The following MTOR variants were observed in gnomAD, a reference collection of about 807,000 sequenced individuals.
MTOR encodes the protein serine/threonine-protein kinase mTOR.
Under a neutral mutation model 319.8 loss-of-function variants are expected in MTOR, and 70 were observed. The ratio of observed to expected loss-of-function variants is 0.22; its 90% CI spans 0.18 to 0.27. The LOEUF (loss-of-function observed/expected upper bound fraction) is 0.27, where lower values mean the gene tolerates loss of function less well. Ranked by LOEUF, MTOR falls within the 10% of genes least tolerant of loss-of-function variation. The pLI, the probability that MTOR is intolerant of heterozygous loss-of-function variation, is 1.00. For synonymous variants in MTOR, 1,183 were observed against 1,211.4 expected (o/e 0.98, Z 0.49); for missense variants, 1,890 against 3,274.4 (o/e 0.58, Z 10.32).
At chr1:11,155,425 T>C (rs1035866471) in intron 30 of MTOR, among the ~76,000 whole-genome samples, 3 of 151,700 alleles carry the variant, frequency 2.0e-5, no homozygotes, top group African/African-American at 7.3e-5. Context: ...AAAAAAAAAA[T>C]TACTCTGACT....
rs1641964175 is a variant in MTOR at position 11,112,840 on chromosome 1, G to C, written c.7366+12C>G. On this transcript the variant is annotated intron_variant, in intron 54 of 57. Coordinates refer to ENST00000361445, the MANE Select transcript of MTOR (RefSeq NM_004958.4). ...GGGGAGAGCCTTTGCGACCTCCCGT[G>C]GATGCACCTACCGACTGACTGGCCA... The C allele has an allele frequency of 6.2e-7, 1 of 1,614,040 alleles. No homozygotes were observed. The highest frequency in any genetic ancestry group is 1.1e-5 in the South Asian group (1 of 91,082).
chr1:11,231,410 A>C lies in MTOR; in HGVS notation c.2539T>G (p.Leu847Val). 6.2e-7 allele frequency: 1 copy of C among 1,614,126 alleles called. No individual in the cohort carries two copies. The highest frequency in any genetic ancestry group is 8.5e-7 in the Non-Finnish European group (1 of 1,179,992). Residue 847 changes from leucine (L) to valine (V), a missense_variant, in exon 17 of 58, where the codon TTG becomes GTG. Physicochemically the swap from Leu to Val is conservative, Grantham distance 32 (BLOSUM62 1). Around this residue, in one of 15 missense-constraint regions of MTOR, gnomAD observed 377 missense variants for 653.9 expected, o/e 0.58. Coordinates refer to ENST00000361445, the MANE Select transcript of MTOR (RefSeq NM_004958.4). ...RQVALWTLGQ[L>V]VASTGYVVEP... ...ACTACATAGCCAGTGCTGGCCACCAACTGTCCCAGGGTCCACAGAGCCACC... is the reference window on the plus strand; with the variant it reads ...ACTACATAGCCAGTGCTGGCCACCACCTGTCCCAGGGTCCACAGAGCCACC...
chr1:11,178,498 C>T (rs1645055343), intron 28 of MTOR, among the ~76,000 whole-genome samples: 2 of 152,240 alleles, frequency 1.3e-5, no homozygotes, highest in Admixed American at 1.3e-4. Flanking sequence ...CCGCTCCCAG[C>T]ATGTCAGCCA....
At chr1:11,184,591 C>T (rs1477014471) in intron 28 of MTOR, among the ~76,000 whole-genome samples, 1 of 151,990 alleles carries the variant, frequency 6.6e-6, no homozygotes, top group African/African-American at 2.4e-5. Context: ...AACAGGCAGG[C>T]GTGTTGGTGT....
At chr1:11,139,467 G>A in intron 35 of MTOR, 32 bp from the exon 36 acceptor site, 1 of 1,614,148 alleles carries the variant, frequency 6.2e-7, no homozygotes, top group Non-Finnish European at 8.5e-7. Context: ...GTTATAGACA[G>A]AACTGGACAG....
At chr1:11,206,070 C>A (rs1404160977) in intron 25 of MTOR, among the ~76,000 whole-genome samples, 1 of 152,198 alleles carries the variant, frequency 6.6e-6, no homozygotes, top group East Asian at 1.9e-4. Flanking sequence ...AATAATACCA[C>A]TGACCATACA....
rs376260427 is a variant in MTOR at position 11,228,963 on chromosome 1, C to T, written c.2780-45G>A. On this transcript the variant is annotated intron_variant, in intron 18 of 57. Transcript: ENST00000361445. Reference sequence around the variant, plus strand: ...AGTGTTAGAGCTACACATGGCATGACGTGACTTCAGGCAGAGCATGGTTAG... The same window carrying T: ...AGTGTTAGAGCTACACATGGCATGATGTGACTTCAGGCAGAGCATGGTTAG... 1.6e-4 allele frequency: 250 copies of T among 1,603,310 alleles called. 2 individuals carry two copies. The highest frequency in any genetic ancestry group is 2.1e-4 in the Non-Finnish European group (241 of 1,172,464).
intron 50 of MTOR, among the ~76,000 whole-genome samples, chr1:11,116,105 G>C (rs1162836666): frequency 6.6e-6 from 1 of 152,190 alleles, no homozygotes; most frequent in East Asian, 1.9e-4. Flanking sequence ...GTAGACATCA[G>C]AGAACCAGTC....
Position 11,124,770 on chromosome 1 carries a change from A to C in MTOR, c.6527-137T>G, listed in dbSNP as rs550753899. On this transcript the variant is annotated intron_variant, in intron 46 of 57. Transcript: ENST00000361445. Reference sequence around the variant, plus strand: ...CACGTTCCTCACAAAAAGAAAAAACAATCTTTAGAATTAATGAAAAGAGTG... The same window carrying C: ...CACGTTCCTCACAAAAAGAAAAAACCATCTTTAGAATTAATGAAAAGAGTG... 74 of 966,576 alleles carry C rather than the reference A, an allele frequency of 7.7e-5. No homozygotes were observed. In the Middle Eastern group the frequency reaches 1.1e-3, roughly 14 times the overall value. The allele number at this position is 966,576 out of a possible 1,614,324, so 59.9% of individuals were successfully genotyped here.
chr1:11,253,794 A>G (rs1205886115), intron 6 of MTOR, 45 bp downstream of exon 6: 1 of 1,611,156 alleles, frequency 6.2e-7, no homozygotes, highest in Non-Finnish European at 8.5e-7. Context: ...CGCTCACAGA[A>G]TGGTACACGG....
chr1:11,189,566 C>T, intron 28 of MTOR: 1 of 1,579,906 alleles, frequency 6.3e-7, no homozygotes, highest in Non-Finnish European at 8.6e-7. Flanking sequence ...CTTCCTCACC[C>T]AAACCCACAA....
intron 28 of MTOR, chr1:11,189,830 TG>T (rs776856964): frequency 6.2e-7 from 1 of 1,614,134 alleles, no homozygotes; most frequent in Non-Finnish European, 8.5e-7. Flanking sequence ...GTGATGGAGC[TG>T]GAGAGCAACA....
At chr1:11,107,761 C>T (rs1285800293) in intron 57 of MTOR, among the ~76,000 whole-genome samples, 3 of 152,166 alleles carry the variant, frequency 2.0e-5, no homozygotes, top group East Asian at 1.9e-4. Flanking sequence ...TCAAAGCACA[C>T]CCCAGAGTGG....
intron 29 of MTOR, among the ~76,000 whole-genome samples, chr1:11,159,949 C>T (rs866389996): frequency 6.6e-6 from 1 of 151,940 alleles, no homozygotes; most frequent in African/African-American, 2.4e-5. Context: ...ATCAAAATGC[C>T]CTGCCAAGAC....
At chr1:11,151,739 G>C (rs993660367) in intron 30 of MTOR, among the ~76,000 whole-genome samples, 1 of 152,344 alleles carries the variant, frequency 6.6e-6, no homozygotes, top group East Asian at 1.9e-4. Context: ...AGGTAGAAGA[G>C]AAAGCTGCAT....
chr1:11,131,547 T>C (rs957664367), intron 38 of MTOR: 1 of 152,300 alleles, frequency 6.6e-6, no homozygotes, highest in Non-Finnish European at 1.5e-5. Context: ...CATAGGAGCC[T>C]GACAGAGAAA....
intron 29 of MTOR, among the ~76,000 whole-genome samples, chr1:11,165,350 A>G (rs1195090336): frequency 1.3e-5 from 2 of 152,318 alleles, no homozygotes; most frequent in African/African-American, 2.4e-5. Context: ...AAACCCCGTC[A>G]TCTCAGCCCA....
chr1:11,118,228 ATTTTTTTTTTTTT>A (rs771785403), intron 49 of MTOR, among the ~76,000 whole-genome samples: 20 of 120,752 alleles, frequency 1.7e-4, no homozygotes, highest in African/African-American at 4.4e-4. Flanking sequence ...AACTTAGTTA[ATTTTTTTTTTTTT>A]TTTTTTTTTT....
rs1644093079 is a variant in MTOR at position 11,150,240 on chromosome 1, A to G, written c.4470-14T>C. 6.2e-7 allele frequency: 1 copy of G among 1,607,130 alleles called. No homozygotes were observed. ...TGGAGTTGACCCCTGAAGAAAATGAATTATATAGTCAGATTAATCCAAATC... is the reference window on the plus strand; with the variant it reads ...TGGAGTTGACCCCTGAAGAAAATGAGTTATATAGTCAGATTAATCCAAATC... On this transcript the variant is annotated splice_polypyrimidine_tract_variant and intron_variant, in intron 30 of 57. Transcript: ENST00000361445.
Sources: allele counts gnomAD v4.1 joint callset (sites outside exome capture counted in the v4.1 genomes callset), GRCh38; gene constraint gnomAD v4.1.1; regional missense constraint gnomAD v4.1.1; transcripts MANE v1.5; gene names NCBI Gene and HGNC (gene_info 2026-07-23, HGNC 2026-07-21).